CTNNA2: variants seen among roughly 807,000 people sequenced by gnomAD.
The protein encoded by CTNNA2 is catenin alpha 2.
A neutral mutation model predicts 101.0 loss-of-function variants in CTNNA2; 42 were observed. That is an observed-to-expected ratio of 0.42 (90% CI 0.32 to 0.54). The LOEUF (loss-of-function observed/expected upper bound fraction) is 0.54. Ranked by LOEUF, CTNNA2 falls within the 20% of genes least tolerant of loss-of-function variation. CTNNA2 has a pLI of 0.14. For missense variants in CTNNA2, 871 were observed against 1,223.1 expected (o/e 0.71, Z 4.29); for synonymous variants, 450 against 456.4 (o/e 0.99, Z 0.18).
chr2:80,287,830 GAT>G (rs1485520329), intron 7 of CTNNA2, among the ~76,000 whole-genome samples: 2 of 152,116 alleles, frequency 1.3e-5, no homozygotes. Context: ...GTCATCTCAT[GAT>G]ATGTGCTTAA....
chr2:79,536,627 A>T (rs1369920054), intron 1 of CTNNA2, among the ~76,000 whole-genome samples: 1 of 126,380 alleles, frequency 7.9e-6, no homozygotes, highest in East Asian at 2.4e-4. Context: ...GGGTACATGC[A>T]TGCATTTGCT....
chr2:80,208,620 G>T (rs550910303), intron 7 of CTNNA2, among the ~76,000 whole-genome samples: 1 of 152,062 alleles, frequency 6.6e-6, no homozygotes, highest in South Asian at 2.1e-4. Context: ...TCTCAGTCTC[G>T]GGGCACAGAG....
At chr2:79,543,304 A>G (rs1673533251) in intron 1 of CTNNA2, among the ~76,000 whole-genome samples, 1 of 152,222 alleles carries the variant, frequency 6.6e-6, no homozygotes. Context: ...TGAGCTGGAT[A>G]TCCTATAAAA....
At chr2:79,621,431 A>G (rs960421484) in intron 1 of CTNNA2, among the ~76,000 whole-genome samples, 2 of 152,210 alleles carry the variant, frequency 1.3e-5, no homozygotes, top group African/African-American at 4.8e-5. Flanking sequence ...AATCAAACAC[A>G]ATGATGGGGA....
intron 3 of CTNNA2, among the ~76,000 whole-genome samples, chr2:79,833,297 A>G (rs981909768): frequency 2.6e-5 from 4 of 152,212 alleles, no homozygotes; most frequent in East Asian, 1.9e-4. Context: ...TTGTCTTTCC[A>G]GGGCCATTGC....
chr2:80,458,924 T>C (rs1305040652), intron 9 of CTNNA2, among the ~76,000 whole-genome samples: 1 of 152,180 alleles, frequency 6.6e-6, no homozygotes, highest in African/African-American at 2.4e-5. Flanking sequence ...CCCATAAAAT[T>C]ATAATGAAGC....
intron 1 of CTNNA2, among the ~76,000 whole-genome samples, chr2:79,591,782 G>T (rs6734432): frequency 0.024 from 3,634 of 151,980 alleles, 143 homozygotes; most frequent in African/African-American, 0.081. Flanking sequence ...AATCTAATCT[G>T]TGTCTTACGT....
intron 1 of CTNNA2, among the ~76,000 whole-genome samples, chr2:79,620,456 C>G (rs1489143967): frequency 6.6e-6 from 1 of 152,234 alleles, no homozygotes; most frequent in Non-Finnish European, 1.5e-5. Context: ...TCCACCCTCT[C>G]CACTCATACA....
At chr2:80,092,727 T>A (rs1699864999) in intron 7 of CTNNA2, among the ~76,000 whole-genome samples, 1 of 152,140 alleles carries the variant, frequency 6.6e-6, no homozygotes, top group Non-Finnish European at 1.5e-5. Flanking sequence ...CTGGCCTAGC[T>A]GCTGCCAAGG....
At chr2:79,471,561 G>A (rs1203322240) in intron 4 of CTNNA2, among the ~76,000 whole-genome samples, 10 of 152,064 alleles carry the variant, frequency 6.6e-5, no homozygotes, top group Admixed American at 2.0e-4. Context: ...CATATCGGCC[G>A]GGTGCAGTGG....
chr2:79,694,939 T>C (rs576716786), intron 2 of CTNNA2, among the ~76,000 whole-genome samples: 74 of 151,910 alleles, frequency 4.9e-4, no homozygotes, highest in African/African-American at 1.8e-3. Context: ...AGGCATCTGT[T>C]GTTACAGGAA....
intron 4 of CTNNA2, among the ~76,000 whole-genome samples, chr2:79,415,055 G>C (rs1325497302): frequency 6.6e-6 from 1 of 152,176 alleles, no homozygotes; most frequent in African/African-American, 2.4e-5. Flanking sequence ...TTGTGGTTTA[G>C]ATGTGTGTCC....
chr2:80,487,095 CCTTTACCAAACCCCG>C (rs1166406425), intron 9 of CTNNA2, among the ~76,000 whole-genome samples: 2 of 151,646 alleles, frequency 1.3e-5, no homozygotes, highest in African/African-American at 4.8e-5. Flanking sequence ...ACCAGCGTGA[CCTTTACCAAACCCCG>C]TCTCTACTAA....
At chr2:80,536,289 C>T (rs1353166567) in intron 9 of CTNNA2, among the ~76,000 whole-genome samples, 2 of 152,108 alleles carry the variant, frequency 1.3e-5, no homozygotes, top group East Asian at 1.9e-4. Context: ...TCTGTGCCAC[C>T]ATCCTCTCTG....
chr2:79,927,834 T>C (rs1042882546), intron 7 of CTNNA2, among the ~76,000 whole-genome samples: 2 of 152,148 alleles, frequency 1.3e-5, no homozygotes, highest in Admixed American at 6.5e-5. Context: ...ATGTTGCAGT[T>C]CTGCTGAGGC....
chr2:79,293,764 T>C (rs1384287882), intron 2 of CTNNA2, among the ~76,000 whole-genome samples: 1 of 152,120 alleles, frequency 6.6e-6, no homozygotes, highest in East Asian at 1.9e-4. Context: ...GAAACAGGAA[T>C]GAGTATGAGG....
intron 4 of CTNNA2, among the ~76,000 whole-genome samples, chr2:79,462,867 T>C (rs929669408): frequency 6.6e-6 from 1 of 152,142 alleles, no homozygotes; most frequent in Non-Finnish European, 1.5e-5. Flanking sequence ...ATTTTGTCTA[T>C]GGTTGGAAAG....
rs534510250 is a variant in CTNNA2 at position 80,025,828 on chromosome 2, G to A, written c.1056+116031G>A. ...ACTTGTCCTCCATTCAGTAGCTATT[G>A]CACCATCTCCTCCTATATGCTGTGC... is the stretch of plus-strand genomic sequence containing the variant. On this transcript the variant is annotated intron_variant, in intron 7 of 18. Coordinates refer to ENST00000402739, the MANE Select transcript of CTNNA2 (RefSeq NM_001282597.3). 7.9e-5 allele frequency among the ~76,000 whole-genome samples: 12 copies of A among 152,308 alleles called. No homozygotes were observed. In the South Asian group the frequency reaches 2.5e-3, roughly 32 times the overall value.
At chr2:80,199,783 T>C (rs1707086170) in intron 7 of CTNNA2, among the ~76,000 whole-genome samples, 1 of 152,206 alleles carries the variant, frequency 6.6e-6, no homozygotes, top group Non-Finnish European at 1.5e-5. Flanking sequence ...TTAAATGTAC[T>C]TAAATGTGCT....
Sources: gnomAD v4.1 joint callset for allele counts (sites outside exome capture counted in the v4.1 genomes callset) on GRCh38, gnomAD v4.1.1 for gene constraint, MANE v1.5 for transcripts, NCBI Gene and HGNC (gene_info 2026-07-23, HGNC 2026-07-21) for gene names.